The following DLGAP1 variants were observed in gnomAD, a reference collection of about 807,000 sequenced individuals.
DLGAP1 encodes DLG associated protein 1, also known as disks large-associated protein 1.
Under a neutral mutation model 90.8 loss-of-function variants are expected in DLGAP1, and 11 were observed. The observed-to-expected ratio is 0.12, with a 90% confidence interval of 0.08 to 0.20. The LOEUF is 0.20. Ranked by LOEUF, DLGAP1 falls within the 10% of genes least tolerant of loss-of-function variation. The pLI is 1.00. For synonymous variants in DLGAP1, 558 were observed against 540.7 expected, an observed-to-expected ratio of 1.03 and a Z score of -0.44; for missense variants, 1,050 against 1,333.8, an observed-to-expected ratio of 0.79 and a Z score of 3.31.
intron 1 of DLGAP1, chr18:4,294,071 A>G (rs762010575): frequency 6.6e-6 from 1 of 152,120 alleles, no homozygotes; most frequent in Non-Finnish European, 1.5e-5. Flanking sequence ...CTTTTGGGAC[A>G]TAACCTTTGT....
At chr18:3,991,159 A>C (rs2073959381) in intron 3 of DLGAP1, among the ~76,000 whole-genome samples, 1 of 152,034 alleles carries the variant, frequency 6.6e-6, no homozygotes, top group East Asian at 1.9e-4. Flanking sequence ...ATTTCTAATA[A>C]AGTAAATATT....
chr18:3,621,039 G>A (rs565114454), intron 7 of DLGAP1, among the ~76,000 whole-genome samples: 3 of 152,300 alleles, frequency 2.0e-5, no homozygotes, highest in South Asian at 2.1e-4. Context: ...CTCTGGAGGT[G>A]GGGCCAGCAC....
rs139036422 is a variant in DLGAP1, at chr18:4,367,827, C to T, written c.-267+87179G>A. Reference sequence around the variant, plus strand: ...CTGTGCCACTGCACTCCAGCCTGGGCGACAGAGTGAGACTCCATCTCAGAA... The same window carrying T: ...CTGTGCCACTGCACTCCAGCCTGGGTGACAGAGTGAGACTCCATCTCAGAA... On this transcript the variant is annotated intron_variant, in intron 1 of 12. Coordinates refer to ENST00000315677, the MANE Select transcript of DLGAP1 (RefSeq NM_004746.4). 5.3e-3 allele frequency among the ~76,000 whole-genome samples: 806 copies of T among 151,038 alleles called. 2 individuals carry two copies. The highest frequency in any genetic ancestry group is 0.021 in the Middle Eastern group (6 of 290).
At chr18:3,714,468 G>A (rs1303049594) in intron 7 of DLGAP1, among the ~76,000 whole-genome samples, 3 of 152,134 alleles carry the variant, frequency 2.0e-5, no homozygotes, top group Non-Finnish European at 4.4e-5. Context: ...CAAATGGGAG[G>A]CTCTGGATAA....
At chr18:4,044,664 C>T (rs2075022361) in intron 2 of DLGAP1, among the ~76,000 whole-genome samples, 1 of 152,088 alleles carries the variant, frequency 6.6e-6, no homozygotes, top group South Asian at 2.1e-4. Context: ...TTGCTTGAAC[C>T]CAGGAGGCAG....
At chr18:4,076,297 CAGGT>C (rs1458624234) in intron 2 of DLGAP1, among the ~76,000 whole-genome samples, 4 of 152,118 alleles carry the variant, frequency 2.6e-5, no homozygotes, top group Non-Finnish European at 5.9e-5. Context: ...GAGTTAAACA[CAGGT>C]AGAATAAAAG....
intron 1 of DLGAP1, among the ~76,000 whole-genome samples, chr18:4,421,667 T>A (rs191813274): frequency 1.1e-4 from 16 of 152,164 alleles, no homozygotes; most frequent in Non-Finnish European, 2.1e-4. Flanking sequence ...CAAGCAAAAG[T>A]CTTGGAAAAA....
chr18:4,117,667 T>C (rs762087095), intron 2 of DLGAP1, among the ~76,000 whole-genome samples: 1 of 152,198 alleles, frequency 6.6e-6, no homozygotes, highest in Non-Finnish European at 1.5e-5. Flanking sequence ...TAAATAATTA[T>C]GTGTTTGCCT....
intron 9 of DLGAP1, among the ~76,000 whole-genome samples, chr18:3,539,505 T>C (rs1421598589): frequency 6.6e-6 from 1 of 152,236 alleles, no homozygotes; most frequent in Non-Finnish European, 1.5e-5. Flanking sequence ...CTGTTCTGAA[T>C]AGCCAGAAGA....
chr18:4,087,045 A>AT (rs2075692895), intron 2 of DLGAP1, among the ~76,000 whole-genome samples: 1 of 111,764 alleles, frequency 8.9e-6, no homozygotes, highest in African/African-American at 3.5e-5. Context: ...ATATATACAC[A>AT]AACACATATA....
Position 4,126,027 on chromosome 18 carries a change from T to C in DLGAP1, c.-159+25153A>G, listed in dbSNP as rs371339665. Reference sequence around the variant, plus strand: ...GACCTAGTTCAGGCTTCCCCTTTACTTTCCTGTGTGGCAGGAATCAATCCC... The same window carrying C: ...GACCTAGTTCAGGCTTCCCCTTTACCTTCCTGTGTGGCAGGAATCAATCCC... On this transcript the variant is annotated intron_variant, in intron 2 of 12. Transcript: ENST00000315677. Among the ~76,000 whole-genome samples the C allele has an allele frequency of 1.4e-3, 217 of 152,312 alleles. 2 individuals carry two copies. The highest frequency in any genetic ancestry group is 4.9e-3 in the African/African-American group (203 of 41,592).
chr18:4,370,086 G>T (rs919696050), intron 1 of DLGAP1, among the ~76,000 whole-genome samples: 17 of 152,114 alleles, frequency 1.1e-4, no homozygotes, highest in African/African-American at 3.4e-4. Flanking sequence ...TCAGGTGTTA[G>T]GACACAGGTA....
intron 7 of DLGAP1, among the ~76,000 whole-genome samples, chr18:3,728,903 G>A (rs562330703): frequency 1.3e-5 from 2 of 152,180 alleles, no homozygotes; most frequent in African/African-American, 4.8e-5. Context: ...TCATGGTGCC[G>A]TTGTTGCAGT....
chr18:4,138,694 A>G (rs924176890), intron 2 of DLGAP1, among the ~76,000 whole-genome samples: 1 of 152,038 alleles, frequency 6.6e-6, no homozygotes, highest in South Asian at 2.1e-4. Flanking sequence ...ATTTTTCAGC[A>G]GAGTTTCAGT....
At chr18:4,122,715 G>C (rs963257594) in intron 2 of DLGAP1, among the ~76,000 whole-genome samples, 2 of 152,120 alleles carry the variant, frequency 1.3e-5, no homozygotes, top group South Asian at 4.1e-4. Flanking sequence ...TCATTTCAAG[G>C]GGAGAATGAG....
At chr18:3,631,523 G>A (rs578122138) in intron 7 of DLGAP1, among the ~76,000 whole-genome samples, 4 of 152,236 alleles carry the variant, frequency 2.6e-5, no homozygotes, top group African/African-American at 9.6e-5. Flanking sequence ...TGAGGCAGGA[G>A]GATCACTTGA....
intron 1 of DLGAP1, among the ~76,000 whole-genome samples, chr18:4,321,362 C>A (rs2080681349): frequency 6.6e-6 from 1 of 152,174 alleles, no homozygotes; most frequent in African/African-American, 2.4e-5. Context: ...AGTACTCAAT[C>A]ATTGACAAAG....
intron 1 of DLGAP1, among the ~76,000 whole-genome samples, chr18:4,269,420 C>A (rs1269057629): frequency 1.3e-5 from 2 of 148,300 alleles, no homozygotes; most frequent in African/African-American, 4.9e-5. Flanking sequence ...GTGGCGCGAT[C>A]TCAGCTCACT....
intron 1 of DLGAP1, among the ~76,000 whole-genome samples, chr18:4,417,725 C>T (rs9958198): frequency 0.097 from 14,736 of 152,048 alleles, 2,294 homozygotes; most frequent in African/African-American, 0.33. Flanking sequence ...GAAAACAAAA[C>T]AAAACAACTT....
Sources: allele counts gnomAD v4.1 joint callset (sites outside exome capture counted in the v4.1 genomes callset), GRCh38; gene constraint gnomAD v4.1.1; transcripts MANE v1.5; gene names NCBI Gene and HGNC (gene_info 2026-07-23, HGNC 2026-07-21).